STK31: variants seen among roughly 807,000 people sequenced by gnomAD.
The protein encoded by STK31 is serine/threonine kinase 31.
A neutral mutation model predicts 129.7 loss-of-function variants in STK31; 89 were observed. The ratio of observed to expected loss-of-function variants is 0.69; its 90% CI spans 0.58 to 0.82. The LOEUF (loss-of-function observed/expected upper bound fraction) is 0.82. STK31 is among the 40% of genes least tolerant of loss of function. The pLI is 0.00. For synonymous variants in STK31, 448 were observed against 395.3 expected (o/e 1.13, Z -1.58); for missense variants, 1,187 against 1,176.4 (o/e 1.01, Z -0.13).
intron 22 of STK31, among the ~76,000 whole-genome samples, chr7:23,805,079 CTCT>C (rs1792615743): frequency 7.3e-6 from 1 of 137,710 alleles, no homozygotes; most frequent in Non-Finnish European, 1.5e-5. Context: ...TTCTCTCTCT[CTCT>C]TTTTTTTTTT....
chr7:23,778,170 C>T (rs1222345552), intron 15 of STK31, among the ~76,000 whole-genome samples: 3 of 152,200 alleles, frequency 2.0e-5, no homozygotes, highest in African/African-American at 7.2e-5. Context: ...GGCCCCCACT[C>T]TCTTCTGGCA....
At chr7:23,767,553 C>T (rs1789908066) in intron 11 of STK31, among the ~76,000 whole-genome samples, 1 of 152,178 alleles carries the variant, frequency 6.6e-6, no homozygotes. Context: ...TGCTCCTTTC[C>T]AGGCACTACC....
At chr7:23,782,230 T>A (rs1046702046) in intron 16 of STK31, among the ~76,000 whole-genome samples, 1 of 152,050 alleles carries the variant, frequency 6.6e-6, no homozygotes. Context: ...CCCAGCACTT[T>A]GGGAGGCCGA....
intron 17 of STK31, 90 bp downstream of exon 17, chr7:23,783,753 A>G (rs1584440456): frequency 1.9e-6 from 2 of 1,033,196 alleles, no homozygotes; most frequent in Non-Finnish European, 2.8e-6. Context: ...AACTTATAGT[A>G]TCTTTTAAAT....
chr7:23,712,215 T>C lies in STK31; in HGVS notation c.98-19T>C, dbSNP rs1415539352. 3 of 1,614,074 alleles carry C rather than the reference T, an allele frequency of 1.9e-6. No individual in the cohort carries two copies. The Admixed American group carries it at 5.0e-5, about 27-fold the overall frequency. ...ACTGATTAATTTCTAATTTTCCTTGTATTGTGATTTGATTTTAGTGGAAGA... is the reference window on the plus strand; with the variant it reads ...ACTGATTAATTTCTAATTTTCCTTGCATTGTGATTTGATTTTAGTGGAAGA... On this transcript the variant is annotated intron_variant, in intron 2 of 23. Coordinates refer to ENST00000355870, the MANE Select transcript of STK31 (RefSeq NM_031414.5).
At position 23,754,473 on chromosome 7, in the gene STK31, T is replaced by A. The variant is rs1452356971; in HGVS notation, c.1292T>A (p.Val431Glu). ...AQENIKTCEYVSEGNILIAQR... is the reference protein window; with the variant it reads ...AQENIKTCEYESEGNILIAQR... ...GAGAATATTAAAACTTGTGAATATG[T>A]GGTGAGTTGGGAATTTTTCTCTATT... The change falls in exon 10 of 24, where the codon GTG becomes GAG. Residue 431 changes from valine to glutamate, a missense_variant and splice_region_variant. Val to Glu is a moderately radical substitution (Grantham distance 121). Transcript: ENST00000355870. 8 of 1,606,604 alleles carry A rather than the reference T, an allele frequency of 5.0e-6. No homozygotes were observed. The highest frequency in any genetic ancestry group is 6.8e-6 in the Non-Finnish European group (8 of 1,178,180).
At chr7:23,719,331 A>G (rs1280010784) in intron 4 of STK31, among the ~76,000 whole-genome samples, 1 of 152,096 alleles carries the variant, frequency 6.6e-6, no homozygotes, top group African/African-American at 2.4e-5. Flanking sequence ...GAAAAAGCCA[A>G]TCTTCAAATA....
At chr7:23,712,642 G>A (rs1786044854) in intron 3 of STK31, among the ~76,000 whole-genome samples, 1 of 152,156 alleles carries the variant, frequency 6.6e-6, no homozygotes, top group Non-Finnish European at 1.5e-5. Context: ...ATTGTTTCTT[G>A]AAGGAGGATA....
chr7:23,750,991 G>C (rs371291056), intron 8 of STK31, among the ~76,000 whole-genome samples: 1 of 152,160 alleles, frequency 6.6e-6, no homozygotes, highest in Non-Finnish European at 1.5e-5. Context: ...CTGCGTGTTT[G>C]TACTTATTAA....
chr7:23,761,791 AG>A (rs1298124332), intron 10 of STK31, among the ~76,000 whole-genome samples: 4 of 149,692 alleles, frequency 2.7e-5, no homozygotes, highest in Non-Finnish European at 4.4e-5. Context: ...AATCTGGTTG[AG>A]CTTATGCAAG....
At chr7:23,729,013 G>C in intron 5 of STK31, 78 bp from the exon 6 acceptor site, 4 of 1,354,458 alleles carry the variant, frequency 3.0e-6, no homozygotes, top group Non-Finnish European at 2.9e-6. Context: ...GTCATTAACA[G>C]AGAGCAGCAA....
At chr7:23,825,047 G>A (rs1241459043) in intron 23 of STK31, among the ~76,000 whole-genome samples, 5 of 152,022 alleles carry the variant, frequency 3.3e-5, no homozygotes, top group East Asian at 1.9e-4. Flanking sequence ...AAGAATATTG[G>A]TCTAAAATTG....
At chr7:23,716,445 A>C (rs1221503349) in intron 3 of STK31, among the ~76,000 whole-genome samples, 1 of 152,084 alleles carries the variant, frequency 6.6e-6, no homozygotes, top group African/African-American at 2.4e-5. Context: ...TTAATGTTTT[A>C]GGAGACTTAT....
chr7:23,726,507 C>T (rs1039480104), intron 4 of STK31: 4 of 148,676 alleles, frequency 2.7e-5, no homozygotes, highest in South Asian at 2.1e-4. Context: ...TCCCAGCTAC[C>T]GTGGGGACTG....
chr7:23,788,879 G>A (rs879752384), intron 21 of STK31, among the ~76,000 whole-genome samples: 5 of 152,046 alleles, frequency 3.3e-5, no homozygotes, highest in Admixed American at 1.3e-4. Context: ...TCACAAAGTC[G>A]TGCAGTGATA....
intron 23 of STK31, among the ~76,000 whole-genome samples, chr7:23,822,834 A>G (rs1793872031): frequency 6.6e-6 from 1 of 152,052 alleles, no homozygotes; most frequent in Non-Finnish European, 1.5e-5. Context: ...CCTGTGAGTG[A>G]GAATATGTGG....
intron 11 of STK31, among the ~76,000 whole-genome samples, chr7:23,764,371 A>G (rs1043785716): frequency 1.3e-5 from 2 of 152,176 alleles, no homozygotes; most frequent in African/African-American, 2.4e-5. Context: ...CTCCACTTCT[A>G]GTATTCCCTC....
intron 10 of STK31, 64 bp from the exon 11 acceptor site, chr7:23,762,737 T>C (rs1255250591): frequency 1.9e-6 from 3 of 1,565,354 alleles, no homozygotes; most frequent in Non-Finnish European, 2.6e-6. Flanking sequence ...CTTTTTTTCA[T>C]ATAGGTCATA....
Position 23,788,004 on chromosome 7 carries a change from G to A in STK31, c.2512G>A (p.Val838Ile). The A allele has an allele frequency of 6.3e-7, 1 of 1,581,146 alleles. No homozygotes were observed. Among genetic ancestry groups the A allele is most frequent in the Non-Finnish European group, 8.6e-7 (1 of 1,164,646 alleles). The change falls in exon 21 of 24, where the codon GTT becomes ATT. Residue 838 changes from valine to isoleucine, a missense_variant. By Grantham distance (29) the Val-to-Ile change is conservative. Coordinates refer to ENST00000355870, the MANE Select transcript of STK31 (RefSeq NM_031414.5). ...SEETLKVMKGVAQGLHTLHKA... is the reference protein window; with the variant it reads ...SEETLKVMKGIAQGLHTLHKA... ...GGAAACTTTAAAGGTCATGAAAGGT[G>A]TTGCCCAGGGTCTGCATACATTGCA...
Sources: allele counts gnomAD v4.1 joint callset (sites outside exome capture counted in the v4.1 genomes callset), GRCh38; gene constraint gnomAD v4.1.1; transcripts MANE v1.5; gene names NCBI Gene and HGNC (gene_info 2026-07-23, HGNC 2026-07-21).